UBR2: variants seen among roughly 807,000 people sequenced by gnomAD.
The protein encoded by UBR2 is ubiquitin protein ligase E3 component n-recognin 2, also known as E3 ubiquitin-protein ligase UBR2.
Under a neutral mutation model 247.9 loss-of-function variants are expected in UBR2, and 92 were observed. That is an observed-to-expected ratio of 0.37 (90% CI 0.31 to 0.44). UBR2 has a LOEUF of 0.44. Ranked by LOEUF, UBR2 falls within the 20% of genes least tolerant of loss-of-function variation. UBR2 has a pLI of 1.00. For synonymous variants in UBR2, 672 were observed against 693.5 expected, an observed-to-expected ratio of 0.97 and a Z score of 0.49; for missense variants, 1,613 against 2,112.6, an observed-to-expected ratio of 0.76 and a Z score of 4.64.
rs1275958136 is a variant in UBR2, at chr6:42,674,201, T to C, written c.4251+8T>C. 2 of 1,613,054 alleles carry C rather than the reference T, an allele frequency of 1.2e-6. No homozygotes were observed. The highest frequency in any genetic ancestry group is 1.3e-5 in the African/African-American group (1 of 74,894). On this transcript the variant is annotated splice_region_variant and intron_variant, in intron 38 of 46. Coordinates refer to ENST00000372901, the MANE Select transcript of UBR2 (RefSeq NM_001363705.2). Reference sequence around the variant, plus strand: ...GACATGTTTCATTTATTGGTGGGTATTGTGCAGTTTGTTTGGACTTCTACG... The same window carrying C: ...GACATGTTTCATTTATTGGTGGGTACTGTGCAGTTTGTTTGGACTTCTACG...
At chr6:42,664,957 G>C (rs762309357) in intron 32 of UBR2, among the ~76,000 whole-genome samples, 21 of 152,146 alleles carry the variant, frequency 1.4e-4, no homozygotes, top group Non-Finnish European at 2.2e-4. Flanking sequence ...TCTGTAAAAT[G>C]GGGACAATAA....
chr6:42,658,987 C>G (rs528400151), intron 29 of UBR2, among the ~76,000 whole-genome samples, 163 bp downstream of exon 29: 1 of 152,190 alleles, frequency 6.6e-6, no homozygotes, highest in Non-Finnish European at 1.5e-5. Flanking sequence ...TCTTAGAAGT[C>G]TCTGAATGTA....
chr6:42,656,724 C>T (rs1050396502), intron 26 of UBR2, among the ~76,000 whole-genome samples: 2 of 152,182 alleles, frequency 1.3e-5, no homozygotes, highest in African/African-American at 4.8e-5. Context: ...CTCTAGTTTT[C>T]CTTTTTGCCC....
chr6:42,607,723 T>G (rs537599194), intron 7 of UBR2, among the ~76,000 whole-genome samples: 5 of 137,902 alleles, frequency 3.6e-5, no homozygotes, highest in East Asian at 4.3e-4. Flanking sequence ...TTTTTTTTTT[T>G]TTTTTTTTTT....
intron 7 of UBR2, among the ~76,000 whole-genome samples, chr6:42,608,423 T>A (rs1793853572): frequency 6.6e-6 from 1 of 152,202 alleles, no homozygotes; most frequent in East Asian, 1.9e-4. Flanking sequence ...GCCAAGAGTT[T>A]GGGACCAGCC....
chr6:42,673,421 A>G (rs1401931387), intron 36 of UBR2, among the ~76,000 whole-genome samples: 1 of 152,162 alleles, frequency 6.6e-6, no homozygotes, highest in Non-Finnish European at 1.5e-5. Context: ...TCCAGGGTTC[A>G]AGTGATTCTC....
At position 42,689,161 on chromosome 6, in the gene UBR2, C is replaced by T. The variant is rs572819423; in HGVS notation, c.5025-408C>T. ...GTGCACAGGTGAGAGAATCCAGGGGCCTGCTGTGTGCTGGTGACATCTCTG... is the reference window on the plus strand; with the variant it reads ...GTGCACAGGTGAGAGAATCCAGGGGTCTGCTGTGTGCTGGTGACATCTCTG... On this transcript the variant is annotated intron_variant, in intron 45 of 46. Coordinates refer to ENST00000372901, the MANE Select transcript of UBR2 (RefSeq NM_001363705.2). This position sits in a 1 kb window ranked among gnomAD's most constrained non-coding sequence, Gnocchi z 4.0. Among the ~76,000 whole-genome samples, 4 of 152,228 alleles carry T rather than the reference C, an allele frequency of 2.6e-5. No individual in the cohort carries two copies. In the South Asian group the frequency reaches 8.3e-4, roughly 32 times the overall value.
intron 30 of UBR2, 125 bp from the exon 31 acceptor site, chr6:42,662,059 T>C (rs1272217226): frequency 3.4e-6 from 2 of 596,834 alleles, no homozygotes; most frequent in African/African-American, 1.9e-5. Flanking sequence ...CTCAGAGGAA[T>C]AAACTAGCAT....
rs2151960377 is a variant in UBR2 at position 42,644,230 on chromosome 6, T to C, written c.2114T>C (p.Met705Thr). Residue 705 changes from methionine to threonine, a missense_variant, in exon 19 of 47, where the codon ATG becomes ACG. Met to Thr is a moderately conservative substitution (Grantham distance 81). This residue lies in a region of UBR2 where 1,524 missense variants were observed against 1,967.3 expected (regional missense o/e 0.77). Transcript: ENST00000372901. ...VVMLQTGVSM[M>T]DPNHFLMIML... Reference sequence around the variant, plus strand: ...AAAAAAAAGACAGGTGTCTCCATGATGGATCCAAATCATTTCCTGATGATC... The same window carrying C: ...AAAAAAAAGACAGGTGTCTCCATGACGGATCCAAATCATTTCCTGATGATC... The C allele has an allele frequency of 6.2e-7, 1 of 1,609,342 alleles. No homozygotes were observed. The highest frequency in any genetic ancestry group is 8.5e-7 in the Non-Finnish European group (1 of 1,179,006).
At chr6:42,651,928 A>C in intron 23 of UBR2, 95 bp from the exon 24 acceptor site, 3 of 1,227,860 alleles carry the variant, frequency 2.4e-6, no homozygotes, top group Non-Finnish European at 3.4e-6. Flanking sequence ...TGGCCAACAT[A>C]GTGAAACCCC....
chr6:42,568,525 C>T (rs1409180881), intron 1 of UBR2, among the ~76,000 whole-genome samples: 11 of 152,106 alleles, frequency 7.2e-5, no homozygotes, highest in South Asian at 4.2e-4. Context: ...GTCAGGAGAT[C>T]GAGACCATCC....
chr6:42,614,177 CAAAAAA>C (rs1167450076), intron 8 of UBR2, among the ~76,000 whole-genome samples: 4 of 11,408 alleles, frequency 3.5e-4, no homozygotes, highest in Non-Finnish European at 4.6e-4. Flanking sequence ...ACTCTGTCTC[CAAAAAA>C]AAAAAAAAAA....
chr6:42,600,931 A>G (rs1317041263), intron 4 of UBR2, among the ~76,000 whole-genome samples: 2 of 152,188 alleles, frequency 1.3e-5, no homozygotes, highest in South Asian at 2.1e-4. Context: ...TGCTGGGATT[A>G]TAGGCATGAG....
chr6:42,630,846 C>G (rs965157753), intron 11 of UBR2, among the ~76,000 whole-genome samples: 1 of 152,088 alleles, frequency 6.6e-6, no homozygotes, highest in Admixed American at 6.5e-5. Flanking sequence ...GGGTCTCACT[C>G]TGTCGCCCAG....
intron 2 of UBR2, among the ~76,000 whole-genome samples, chr6:42,579,726 C>T (rs1791756129): frequency 6.6e-6 from 1 of 152,094 alleles, no homozygotes; most frequent in Non-Finnish European, 1.5e-5. Context: ...CCAGGCTGGT[C>T]TCAAACTCCT....
Position 42,690,652 on chromosome 6 carries a change from C to T in UBR2, c.5127-380C>T, listed in dbSNP as rs73424481. Among the ~76,000 whole-genome samples, 433 of 152,110 alleles carry T rather than the reference C, an allele frequency of 2.8e-3. 2 individuals are homozygous for T. Among genetic ancestry groups the T allele is most frequent in the African/African-American group, 0.01 (417 of 41,506 alleles). Reference sequence around the variant, plus strand: ...AAATCTGTGAGGAATATTTTTACTCCTATAATTCTTCTTTTGTGTTCTCCT... The same window carrying T: ...AAATCTGTGAGGAATATTTTTACTCTTATAATTCTTCTTTTGTGTTCTCCT... On this transcript the variant is annotated intron_variant, in intron 46 of 46. Coordinates refer to ENST00000372901, the MANE Select transcript of UBR2 (RefSeq NM_001363705.2).
At chr6:42,589,575 A>G (rs1056143989) in intron 2 of UBR2, among the ~76,000 whole-genome samples, 6 of 152,204 alleles carry the variant, frequency 3.9e-5, no homozygotes, top group African/African-American at 1.4e-4. Flanking sequence ...GCATAGAGCT[A>G]GTATAATTTC....
At chr6:42,584,946 GTTTTAC>G (rs1792161028) in intron 2 of UBR2, among the ~76,000 whole-genome samples, 2 of 152,094 alleles carry the variant, frequency 1.3e-5, no homozygotes, top group Admixed American at 6.5e-5. Flanking sequence ...AATGGAGACA[GTTTTAC>G]TTTTTCTTTT....
intron 38 of UBR2, 90 bp from the exon 39 acceptor site, chr6:42,675,966 A>G: frequency 2.0e-6 from 3 of 1,493,014 alleles, no homozygotes; most frequent in Non-Finnish European, 2.7e-6. Context: ...CAAAAAAAAA[A>G]TCAAAATAAA....
Sources: gnomAD v4.1 joint callset for allele counts (sites outside exome capture counted in the v4.1 genomes callset) on GRCh38, gnomAD v4.1.1 for gene constraint, gnomAD v4.1.1 regional missense constraint, Gnocchi (gnomAD v3.1) non-coding constraint, MANE v1.5 for transcripts, NCBI Gene and HGNC (gene_info 2026-07-23, HGNC 2026-07-21) for gene names.